Variants in APLF observed in about 807,000 individuals in gnomAD.
The protein encoded by APLF is aprataxin and PNK-like factor.
A neutral mutation model predicts 55.6 loss-of-function variants in APLF; 61 were observed. The ratio of observed to expected loss-of-function variants is 1.10; its 90% CI spans 0.89 to 1.36. The LOEUF (loss-of-function observed/expected upper bound fraction) is 1.36, where lower values mean the gene tolerates loss of function less well. APLF is among the 40% of genes most tolerant of loss of function. The pLI is 0.00. For synonymous variants in APLF, 207 were observed against 214.8 expected, an observed-to-expected ratio of 0.96 and a Z score of 0.32; for missense variants, 611 against 602.5, an observed-to-expected ratio of 1.01 and a Z score of -0.15.
intron 3 of APLF, among the ~76,000 whole-genome samples, chr2:68,503,983 C>T (rs1450592531): frequency 6.6e-6 from 1 of 151,890 alleles, no homozygotes; most frequent in Non-Finnish European, 1.5e-5. Context: ...CACAAATTAT[C>T]AGTATCAACA....
At chr2:68,541,004 C>T (rs1321809015) in intron 7 of APLF, among the ~76,000 whole-genome samples, 1 of 152,066 alleles carries the variant, frequency 6.6e-6, no homozygotes, top group Admixed American at 6.6e-5. Flanking sequence ...CAAAACCAAA[C>T]CTACATGTCT....
chr2:68,529,262 G>T lies in APLF; in HGVS notation c.804+3020G>T. 1 of 1,313,880 alleles carries T rather than the reference G, an allele frequency of 7.6e-7. No homozygotes were observed. Among genetic ancestry groups the T allele is most frequent in the South Asian group, 1.6e-5 (1 of 60,702 alleles). The allele number at this position is 1,313,880 out of a possible 1,614,324, so 81.4% of individuals were successfully genotyped here. On this transcript the variant is annotated intron_variant, in intron 6 of 9. Coordinates refer to ENST00000303795, the MANE Select transcript of APLF (RefSeq NM_173545.3). This position sits in a 1 kb window ranked among gnomAD's most constrained non-coding sequence, Gnocchi z 4.4. ...CATAAGGGTGCCGTCCCACCTGCCT[G>T]GAAAAGAAGGCCCAAGATGTCGCTG...
rs144902846 is a variant in APLF at position 68,468,485 on chromosome 2, C to G, written c.96+658C>G. Among the ~76,000 whole-genome samples, 989 of 152,258 alleles carry G rather than the reference C, an allele frequency of 6.5e-3. 7 individuals carry two copies. The highest frequency in any genetic ancestry group is 0.023 in the African/African-American group (942 of 41,554). ...ACTGTCTCAAGACCGTATCAGTTAG[C>G]TATTTTTATTATCCTCATTGTTCAG... On this transcript the variant is annotated intron_variant, in intron 1 of 9. Transcript: ENST00000303795.
intron 6 of APLF, chr2:68,535,301 G>A (rs540201004): frequency 4.3e-5 from 19 of 438,804 alleles, no homozygotes; most frequent in Middle Eastern, 3.3e-4. Context: ...TGTCAAAAAT[G>A]GAAGTATCAG....
At chr2:68,544,106 T>G (rs1670632945) in intron 7 of APLF, among the ~76,000 whole-genome samples, 1 of 151,368 alleles carries the variant, frequency 6.6e-6, no homozygotes, top group Non-Finnish European at 1.5e-5. Flanking sequence ...CTCAGCCTCC[T>G]GAGTAGCTGG....
intron 1 of APLF, among the ~76,000 whole-genome samples, chr2:68,473,517 T>G (rs1434998466): frequency 6.6e-6 from 1 of 152,210 alleles, no homozygotes; most frequent in Non-Finnish European, 1.5e-5. Context: ...AGGTAGATAC[T>G]AAGGAGCACA....
At chr2:68,549,784 C>T (rs544650982) in intron 8 of APLF, among the ~76,000 whole-genome samples, 2 of 152,138 alleles carry the variant, frequency 1.3e-5, no homozygotes, top group Non-Finnish European at 2.9e-5. Flanking sequence ...TTGTTTATTT[C>T]TCTGCTTAAT....
chr2:68,570,001 C>T (rs1353557574), intron 9 of APLF, among the ~76,000 whole-genome samples: 2 of 151,966 alleles, frequency 1.3e-5, no homozygotes, highest in East Asian at 3.9e-4. Flanking sequence ...TAATATAGTG[C>T]CAACATTAAA....
chr2:68,529,091 C>A lies in APLF; in HGVS notation c.804+2849C>A. The stretch of plus-strand genomic sequence containing the variant: ...TTGAAGGTTAAACTTGCCTCTGAGA[C>A]GAGGGATCCTCACGGGGCTGAGGTA... On this transcript the variant is annotated intron_variant, in intron 6 of 9. Transcript: ENST00000303795. This position sits in a 1 kb window ranked among gnomAD's most constrained non-coding sequence, Gnocchi z 4.4. 7.2e-7 allele frequency: 1 copy of A among 1,391,512 alleles called. No homozygotes were observed. Among genetic ancestry groups the A allele is most frequent in the South Asian group, 1.2e-5 (1 of 80,922 alleles). 86.2% of individuals were successfully genotyped at this position (1,391,512 alleles called of 1,614,324 possible). A position where few individuals can be genotyped will look rare whatever the true frequency, so the allele number is the denominator to read the frequency against.
At chr2:68,534,831 G>A (rs760423504) in intron 6 of APLF, among the ~76,000 whole-genome samples, 5 of 152,212 alleles carry the variant, frequency 3.3e-5, no homozygotes, top group Non-Finnish European at 5.9e-5. Context: ...TCCCTCACTC[G>A]TCAGTTCAGT....
chr2:68,537,730 G>A, intron 6 of APLF, 142 bp from the exon 7 acceptor site: 1 of 660,712 alleles, frequency 1.5e-6, no homozygotes, highest in South Asian at 2.3e-5. Flanking sequence ...ATAGAAAATA[G>A]TGGCATTTAA....
chr2:68,535,358 G>A (rs765522364), intron 6 of APLF: 6 of 404,292 alleles, frequency 1.5e-5, no homozygotes, highest in South Asian at 7.8e-5. Flanking sequence ...CTCATCCTTC[G>A]ACCTCATTGC....
At chr2:68,522,496 A>G (rs552485695) in intron 5 of APLF, among the ~76,000 whole-genome samples, 1 of 151,896 alleles carries the variant, frequency 6.6e-6, no homozygotes, top group African/African-American at 2.4e-5. Flanking sequence ...TTCTTTATGT[A>G]TGCCTTCTAT....
In APLF at chr2:68,578,756, G is replaced by A; in HGVS notation, c.*734G>A. ...CTAGCTGATTATTTTAACTCTCAGT[G>A]TGCTGTCTTTATATTAAGAATAGAG... On this transcript the variant is annotated 3_prime_UTR_variant, in exon 10 of 10. Transcript: ENST00000303795. 1.0e-6 allele frequency: 1 copy of A among 985,012 alleles called. No individual in the cohort carries two copies. 61.0% of individuals were successfully genotyped at this position (985,012 alleles called of 1,614,324 possible).
At chr2:68,559,238 T>C (rs58612427) in intron 8 of APLF, among the ~76,000 whole-genome samples, 3,381 of 152,216 alleles carry the variant, frequency 0.022, 123 homozygotes, top group African/African-American at 0.077. Flanking sequence ...CAGAGAGCAG[T>C]GTCTTCATAT....
chr2:68,517,025 A>T (rs1040603466), intron 5 of APLF, among the ~76,000 whole-genome samples: 3 of 104,762 alleles, frequency 2.9e-5, no homozygotes, highest in East Asian at 4.4e-4. Flanking sequence ...ATAATAATAT[A>T]TTAATATATA....
chr2:68,566,986 T>C (rs2104067574), intron 8 of APLF, among the ~76,000 whole-genome samples: 1 of 152,218 alleles, frequency 6.6e-6, no homozygotes, highest in African/African-American at 2.4e-5. Context: ...ACATATTTGA[T>C]ATTTGTGTCA....
chr2:68,538,067 G>A lies in APLF; in HGVS notation c.1000G>A (p.Asp334Asn), dbSNP rs146008094. The A allele has an allele frequency of 1.5e-5, 24 of 1,613,938 alleles. No homozygotes were observed. The African/African-American group carries it at 2.1e-4, about 14-fold the overall frequency. ...CSENCSSAQG[D>N]SLQDESQGSH... ...TGAAAATTGTTCGAGTGCCCAGGGC[G>A]ACTCACTTCAGGATGAGTCTCAAGG... Residue 334 changes from aspartate to asparagine, a missense_variant, in exon 7 of 10, where the codon GAC becomes AAC. By Grantham distance (23) the Asp-to-Asn change is conservative. Transcript: ENST00000303795.
At position 68,577,998 on chromosome 2, in the gene APLF, A is replaced by G. The variant is rs1395984019; in HGVS notation, c.1512A>G (p.Ala504=). 3 of 1,613,014 alleles carry G rather than the reference A, an allele frequency of 1.9e-6. No individual in the cohort carries two copies. The highest frequency in any genetic ancestry group is 1.1e-5 in the South Asian group (1 of 91,028). ...ATGTGGAAGAGCTTTTGAAAGAAGC[A>G]AAAAGGTTTATGAAAAGAAAATAGT... ...KEDVEELLKE[A]KRFMKRK The change falls in exon 10 of 10, where the codon GCA becomes GCG. Residue 504 remains alanine (A), a synonymous_variant. Coordinates refer to ENST00000303795, the MANE Select transcript of APLF (RefSeq NM_173545.3).
Sources: gnomAD v4.1 joint callset for allele counts (sites outside exome capture counted in the v4.1 genomes callset) on GRCh38, gnomAD v4.1.1 for gene constraint, Gnocchi (gnomAD v3.1) non-coding constraint, MANE v1.5 for transcripts, NCBI Gene and HGNC (gene_info 2026-07-23, HGNC 2026-07-21) for gene names.